ZNF138: variants seen among roughly 807,000 people sequenced by gnomAD.
The protein encoded by ZNF138 is zinc finger protein 138 (clone pHZ-32).
ZNF138 carries 33 observed loss-of-function variants against 33.0 expected under a neutral mutation model. The ratio of observed to expected loss-of-function variants is 1.00; its 90% CI spans 0.76 to 1.34. The LOEUF is 1.34. Ranked by LOEUF, ZNF138 falls within the 40% of genes most tolerant of loss-of-function variation. The probability of loss-of-function intolerance (pLI) is 0.00; values close to 1 mark genes in which losing one functional copy is unlikely to be tolerated. For missense variants in ZNF138, 360 were observed against 370.8 expected, an observed-to-expected ratio of 0.97 and a Z score of 0.24; for synonymous variants, 139 against 120.4, an observed-to-expected ratio of 1.15 and a Z score of -1.01.
intron 1 of ZNF138, among the ~76,000 whole-genome samples, chr7:64,810,150 C>T (rs1788028897): frequency 8.8e-6 from 1 of 113,528 alleles, no homozygotes; most frequent in Non-Finnish European, 1.8e-5. Context: ...CACGCCACTG[C>T]ACTCCAGCCT....
intron 1 of ZNF138, among the ~76,000 whole-genome samples, chr7:64,811,669 G>A (rs938865981): frequency 1.3e-5 from 2 of 152,152 alleles, no homozygotes; most frequent in Non-Finnish European, 2.9e-5. Context: ...TGTTTGTTCT[G>A]TAAACTTAAA....
chr7:64,822,648 A>G (rs1211410537), intron 3 of ZNF138, among the ~76,000 whole-genome samples: 1 of 147,286 alleles, frequency 6.8e-6, no homozygotes, highest in African/African-American at 2.7e-5. Context: ...CTGTTTATCT[A>G]TTTTTGTGTC....
chr7:64,798,710 G>A (rs565662429), intron 1 of ZNF138, among the ~76,000 whole-genome samples: 19 of 151,952 alleles, frequency 1.3e-4, no homozygotes, highest in Admixed American at 1.0e-3. Context: ...ACCTGGAGGC[G>A]GAGGTTGTGG....
At chr7:64,844,029 G>A in the ZNF138 span, among the ~76,000 whole-genome samples, 5 of 152,076 alleles carry the variant, frequency 3.3e-5, no homozygotes, top group African/African-American at 4.8e-5. Context: ...TCACCATGTT[G>A]GCCAGGCTGG....
downstream of ZNF138, chr7:64,835,831 A>G (rs1790351530): frequency 6.6e-6 from 1 of 152,116 alleles, no homozygotes; most frequent in Admixed American, 6.5e-5. Context: ...TCCTTTTCCT[A>G]GCCCTGATGC....
the ZNF138 span, among the ~76,000 whole-genome samples, chr7:64,857,954 A>G: frequency 2.0e-5 from 3 of 152,244 alleles, no homozygotes; most frequent in Non-Finnish European, 2.9e-5. Context: ...TTGTAGAACT[A>G]TAGATGAGAC....
the ZNF138 span, among the ~76,000 whole-genome samples, chr7:64,859,344 A>T: frequency 2.6e-5 from 4 of 152,230 alleles, no homozygotes; most frequent in African/African-American, 7.2e-5. Flanking sequence ...GATTCAGTTT[A>T]AAAAAGTTTT....
At chr7:64,860,723 A>G in the ZNF138 span, among the ~76,000 whole-genome samples, 1 of 152,204 alleles carries the variant, frequency 6.6e-6, no homozygotes, top group African/African-American at 2.4e-5. Flanking sequence ...CCAGGAGGGT[A>G]GTATTTTCTG....
chr7:64,820,031 C>T (rs188942463), intron 3 of ZNF138, among the ~76,000 whole-genome samples: 250 of 24,274 alleles, frequency 0.01, 8 homozygotes, highest in African/African-American at 0.078. Flanking sequence ...GATAATTGTG[C>T]CACTGCACTC....
chr7:64,841,846 A>G, the ZNF138 span, among the ~76,000 whole-genome samples: 2 of 152,202 alleles, frequency 1.3e-5, no homozygotes, highest in Non-Finnish European at 2.9e-5. Flanking sequence ...TAACTTTCAG[A>G]TCAGTTAATT....
the ZNF138 span, among the ~76,000 whole-genome samples, chr7:64,859,750 A>G: frequency 3.9e-5 from 6 of 152,252 alleles, no homozygotes; most frequent in Non-Finnish European, 8.8e-5. Context: ...ATCTTCTGAT[A>G]GCATTTAGTT....
intron 1 of ZNF138, among the ~76,000 whole-genome samples, chr7:64,810,351 T>G (rs1450379450): frequency 2.5e-5 from 3 of 122,342 alleles, no homozygotes; most frequent in South Asian, 3.2e-4. Context: ...GCAGGCTGAG[T>G]CAGGAAAATC....
At chr7:64,849,822 G>A in the ZNF138 span, among the ~76,000 whole-genome samples, 1 of 152,032 alleles carries the variant, frequency 6.6e-6, no homozygotes, top group African/African-American at 2.4e-5. Flanking sequence ...AGAGCACCGA[G>A]TGTTCTGCCA....
At chr7:64,811,329 A>C (rs1788162471) in intron 1 of ZNF138, among the ~76,000 whole-genome samples, 1 of 152,202 alleles carries the variant, frequency 6.6e-6, no homozygotes, top group African/African-American at 2.4e-5. Context: ...GCATTAGTAC[A>C]TGTGAAAATG....
chr7:64,852,376 C>T, the ZNF138 span: 1 of 1,431,858 alleles, frequency 7.0e-7, no homozygotes, highest in Non-Finnish European at 9.7e-7. Flanking sequence ...CAAAACCAAA[C>T]AGCTATTTCT....
intron 3 of ZNF138, among the ~76,000 whole-genome samples, chr7:64,822,121 G>A (rs1297296432): frequency 2.7e-5 from 4 of 150,424 alleles, no homozygotes; most frequent in Admixed American, 6.6e-5. Flanking sequence ...GGGTTTCACC[G>A]TGTTAGCCAA....
At chr7:64,840,458 A>G in the ZNF138 span, among the ~76,000 whole-genome samples, 1 of 114,274 alleles carries the variant, frequency 8.8e-6, no homozygotes, top group South Asian at 3.4e-4. Flanking sequence ...GTGTGTACAT[A>G]GTATCTGTTT....
At chr7:64,842,859 T>G in the ZNF138 span, among the ~76,000 whole-genome samples, 1 of 152,254 alleles carries the variant, frequency 6.6e-6, no homozygotes, top group Non-Finnish European at 1.5e-5. Context: ...TTGTCAGCAT[T>G]TTTCAAAACT....
the ZNF138 span, among the ~76,000 whole-genome samples, chr7:64,860,285 C>T: frequency 2.0e-5 from 3 of 152,172 alleles, no homozygotes; most frequent in Non-Finnish European, 4.4e-5. Context: ...GTGGCAAAAA[C>T]ATTTAAAATA....
Sources: gnomAD v4.1 joint callset for allele counts (sites outside exome capture counted in the v4.1 genomes callset) on GRCh38, gnomAD v4.1.1 for gene constraint, MANE v1.5 for transcripts, NCBI Gene and HGNC (gene_info 2026-07-23, HGNC 2026-07-21) for gene names.